The following P2RX5 variants were observed in gnomAD, a reference collection of about 807,000 sequenced individuals.
P2RX5 encodes purinergic receptor P2X 5.
P2RX5 carries 46 observed loss-of-function variants against 54.1 expected under a neutral mutation model. The observed-to-expected ratio is 0.85, with a 90% confidence interval of 0.67 to 1.09. The LOEUF (loss-of-function observed/expected upper bound fraction) is 1.09. Among genes scored for constraint, P2RX5 ranks in the 50% least tolerant of loss-of-function variants. The pLI, the probability that P2RX5 is intolerant of heterozygous loss-of-function variation, is 0.00. For missense variants in P2RX5, 566 were observed against 549.8 expected (o/e 1.03, Z -0.29); for synonymous variants, 226 against 226.4 (o/e 1.00, Z 0.02).
At chr17:3,714,753 C>T in the P2RX5 span, 14 of 715,200 alleles carry the variant, frequency 2.0e-5, no homozygotes, top group South Asian at 2.1e-4. Context: ...CTCCATGCTG[C>T]TCTAGATCAT....
At chr17:3,689,777 A>G (rs2050549838) in intron 6 of P2RX5, 147 bp from the exon 7 acceptor site, 1 of 1,031,824 alleles carries the variant, frequency 9.7e-7, no homozygotes, top group Non-Finnish European at 1.5e-6. Flanking sequence ...GGGGCGCCCC[A>G]GCACCACCCA....
intron 1 of P2RX5, among the ~76,000 whole-genome samples, chr17:3,695,184 G>A (rs1433859277): frequency 6.6e-6 from 1 of 152,240 alleles, no homozygotes; most frequent in Non-Finnish European, 1.5e-5. Context: ...CCCACCCCGG[G>A]GTCAGGGCTC....
chr17:3,689,797 C>T (rs1321775824), intron 6 of P2RX5, among the ~76,000 whole-genome samples, 167 bp from the exon 7 acceptor site: 1 of 152,068 alleles, frequency 6.6e-6, no homozygotes, highest in Non-Finnish European at 1.5e-5. Flanking sequence ...ACCGTTTATT[C>T]ACATGCAGAC....
upstream of P2RX5, among the ~76,000 whole-genome samples, chr17:3,699,824 A>AGAG (rs141426295): frequency 1.1e-4 from 13 of 115,904 alleles, no homozygotes; most frequent in South Asian, 3.1e-4. Context: ...GAAAGAGAGA[A>AGAG]AGAGAGAGAG....
At chr17:3,683,735 A>AG (rs2050352823) in intron 9 of P2RX5, among the ~76,000 whole-genome samples, 1 of 141,832 alleles carries the variant, frequency 7.1e-6, no homozygotes, top group Non-Finnish European at 1.6e-5. Context: ...GTCTCAAAAA[A>AG]AAAAAAAAAA....
intron 8 of P2RX5, 93 bp downstream of exon 8, chr17:3,688,532 AC>A: frequency 7.2e-7 from 1 of 1,382,882 alleles, no homozygotes; most frequent in Non-Finnish European, 1.0e-6. Context: ...TCTGACACCC[AC>A]CCCCAGGAAG....
the P2RX5 span, among the ~76,000 whole-genome samples, chr17:3,707,266 G>A: frequency 2.0e-5 from 3 of 152,114 alleles, no homozygotes; most frequent in Admixed American, 6.6e-5. Context: ...GAACATTTTC[G>A]TAATGCAACG....
the P2RX5 span, chr17:3,720,670 C>T: frequency 7.6e-6 from 2 of 264,612 alleles, no homozygotes; most frequent in South Asian, 9.0e-5. Context: ...CAACCTCCAC[C>T]CCGTCAGGTT....
intron 2 of P2RX5, among the ~76,000 whole-genome samples, 173 bp downstream of exon 2, chr17:3,691,471 G>A (rs1179623992): frequency 6.6e-6 from 1 of 152,232 alleles, no homozygotes; most frequent in Non-Finnish European, 1.5e-5. Context: ...GCAGGGGTTT[G>A]GCATGGGAGG....
chr17:3,683,599 G>A (rs762145681), intron 9 of P2RX5, among the ~76,000 whole-genome samples: 9 of 152,108 alleles, frequency 5.9e-5, no homozygotes, highest in East Asian at 1.9e-4. Flanking sequence ...GCGCGGTGGC[G>A]CACGCCTGTA....
In P2RX5 at chr17:3,688,108, G is replaced by A; in HGVS notation, c.888-3C>T. On this transcript the variant is annotated splice_polypyrimidine_tract_variant and splice_region_variant and intron_variant, in intron 8 of 11. Transcript: ENST00000225328. Reference sequence around the variant, plus strand: ...CGTCTCGGTAATATCTGGCAAATCTGAGGGAGACAGGGCCCAGGGGAGGCC... The same window carrying A: ...CGTCTCGGTAATATCTGGCAAATCTAAGGGAGACAGGGCCCAGGGGAGGCC... 6.4e-7 allele frequency: 1 copy of A among 1,568,260 alleles called. No individual in the cohort carries two copies. The highest frequency in any genetic ancestry group is 8.7e-7 in the Non-Finnish European group (1 of 1,144,380).
chr17:3,697,009 A>C (rs1198833133), upstream of P2RX5, among the ~76,000 whole-genome samples: 1 of 152,032 alleles, frequency 6.6e-6, no homozygotes, highest in Non-Finnish European at 1.5e-5. Context: ...GTCTGCTGCG[A>C]CTAATGCGCG....
At position 3,690,735 on chromosome 17, in the gene P2RX5, G is replaced by A. The variant is rs866449660; in HGVS notation, c.361-55C>T. 7 of 1,561,304 alleles carry A rather than the reference G, an allele frequency of 4.5e-6. 1 individual carries two copies. Among genetic ancestry groups the A allele is most frequent in the Middle Eastern group, 1.7e-4 (1 of 5,976 alleles). The stretch of plus-strand genomic sequence containing the variant: ...GGGGGTTCCCCCAGCTCAGAGCCGG[G>A]TCCCACTCCAGGAGATAGAATAGGG... On this transcript the variant is annotated intron_variant, in intron 3 of 11. Coordinates refer to ENST00000225328, the MANE Select transcript of P2RX5 (RefSeq NM_002561.4).
intron 9 of P2RX5, among the ~76,000 whole-genome samples, chr17:3,683,451 G>A (rs2050341689): frequency 1.3e-5 from 2 of 152,214 alleles, no homozygotes; most frequent in African/African-American, 4.8e-5. Flanking sequence ...GTGATGAATG[G>A]GCTGGGCGCA....
chr17:3,693,225 C>T (rs2050667870), intron 1 of P2RX5, among the ~76,000 whole-genome samples: 1 of 150,768 alleles, frequency 6.6e-6, no homozygotes, highest in Admixed American at 6.6e-5. Flanking sequence ...AAATACAAAT[C>T]AAAACCACAA....
At chr17:3,698,499 GAGTA>G (rs1443596759), upstream of P2RX5, among the ~76,000 whole-genome samples, 8 of 152,070 alleles carry the variant, frequency 5.3e-5, no homozygotes, top group African/African-American at 1.7e-4. Flanking sequence ...GGGAAGGGGT[GAGTA>G]AGTGAGGCCC....
chr17:3,695,023 C>G (rs952786724), intron 1 of P2RX5, among the ~76,000 whole-genome samples: 1 of 152,208 alleles, frequency 6.6e-6, no homozygotes, highest in African/African-American at 2.4e-5. Flanking sequence ...TCAGAGAACG[C>G]GGACTGCTGG....
At chr17:3,689,966 A>G (rs1027414733) in intron 6 of P2RX5, 104 bp downstream of exon 6, 11 of 995,612 alleles carry the variant, frequency 1.1e-5, no homozygotes, top group Middle Eastern at 4.1e-4. Context: ...ACACGTGCAC[A>G]CACGCGCGCA....
chr17:3,677,674 C>T (rs1246049755), intron 11 of P2RX5: 2 of 985,122 alleles, frequency 2.0e-6, no homozygotes, highest in Non-Finnish European at 2.4e-6. Context: ...CACGCGGGCC[C>T]CTCTCCCTGA....
Sources: gnomAD v4.1 joint callset for allele counts (sites outside exome capture counted in the v4.1 genomes callset) on GRCh38, gnomAD v4.1.1 for gene constraint, MANE v1.5 for transcripts, NCBI Gene and HGNC (gene_info 2026-07-23, HGNC 2026-07-21) for gene names.